Variants in MPRIP observed in about 807,000 individuals in gnomAD.
MPRIP encodes myosin phosphatase Rho-interacting protein.
MPRIP carries 59 observed loss-of-function variants against 234.9 expected under a neutral mutation model. The ratio of observed to expected loss-of-function variants is 0.25; its 90% CI spans 0.20 to 0.31. MPRIP has a LOEUF of 0.31. Ranked by LOEUF, MPRIP falls within the 10% of genes least tolerant of loss-of-function variation. The pLI, the probability that MPRIP is intolerant of heterozygous loss-of-function variation, is 1.00. For synonymous variants in MPRIP, 1,144 were observed against 1,263.9 expected (o/e 0.91, Z 2.01); for missense variants, 2,436 against 3,071.0 (o/e 0.79, Z 4.89).
At chr17:17,139,402 C>T (rs1401892929) in intron 7 of MPRIP, among the ~76,000 whole-genome samples, 3 of 152,212 alleles carry the variant, frequency 2.0e-5, no homozygotes, top group Non-Finnish European at 4.4e-5. Context: ...CAGTATTCTT[C>T]CCAGAAGAGA....
chr17:17,165,561 T>G lies in MPRIP; in HGVS notation c.3970T>G (p.Phe1324Val). Residue 1324 changes from phenylalanine (F) to valine (V), a missense_variant, in exon 16 of 24, where the codon TTC becomes GTC. Transcript: ENST00000651222. Reference protein sequence around the residue: ...APGVKRQRIRFSTIQCQRYIH... With the variant: ...APGVKRQRIRVSTIQCQRYIH... ...TGGTGTTAAAAGGCAAAGAATCCGGTTCTCCACAATCCAGTGCCAAAGATA... is the reference window on the plus strand; with the variant it reads ...TGGTGTTAAAAGGCAAAGAATCCGGGTCTCCACAATCCAGTGCCAAAGATA... 2 of 1,304,594 alleles carry G rather than the reference T, an allele frequency of 1.5e-6. No individual in the cohort carries two copies. The highest frequency in any genetic ancestry group is 2.0e-6 in the Non-Finnish European group (2 of 989,020). 80.8% of individuals were successfully genotyped at this position (1,304,594 alleles called of 1,614,324 possible). A position where few individuals can be genotyped will look rare whatever the true frequency, so the allele number is the denominator to read the frequency against.
intron 20 of MPRIP, 91 bp downstream of exon 20, chr17:17,175,503 G>A: frequency 7.0e-7 from 1 of 1,421,332 alleles, no homozygotes; most frequent in Non-Finnish European, 9.3e-7. Context: ...CAGGGTTGTG[G>A]GAGGAACAGA....
chr17:17,057,467 C>A (rs1023020192), intron 1 of MPRIP, among the ~76,000 whole-genome samples: 16 of 152,126 alleles, frequency 1.1e-4, no homozygotes, highest in African/African-American at 3.9e-4. Context: ...GGCTGGAGAC[C>A]CCAGGGAGAC....
intron 11 of MPRIP, among the ~76,000 whole-genome samples, chr17:17,149,357 G>A (rs976313155): frequency 6.6e-6 from 1 of 152,074 alleles, no homozygotes; most frequent in Non-Finnish European, 1.5e-5. Flanking sequence ...GCTGGGCTTG[G>A]TGGTGGTCAT....
At chr17:17,130,422 C>T (rs2090573765) in intron 4 of MPRIP, among the ~76,000 whole-genome samples, 2 of 150,964 alleles carry the variant, frequency 1.3e-5, no homozygotes, top group African/African-American at 2.4e-5. Flanking sequence ...TCTCTTCGCT[C>T]CTCTATCCCT....
At chr17:17,169,022 C>T (rs956242406) in intron 16 of MPRIP, 1 of 456,888 alleles carries the variant, frequency 2.2e-6, no homozygotes. Flanking sequence ...CTCGGCCCCA[C>T]CCAGACACAC....
Position 17,171,715 on chromosome 17 carries a change from C to T in MPRIP, c.6325-3C>T. The T allele has an allele frequency of 6.2e-7, 1 of 1,607,792 alleles. No homozygotes were observed. Among genetic ancestry groups the T allele is most frequent in the South Asian group, 1.1e-5 (1 of 90,034 alleles). On this transcript the variant is annotated splice_region_variant and splice_polypyrimidine_tract_variant and intron_variant, in intron 16 of 23. Coordinates refer to ENST00000651222, the MANE Select transcript of MPRIP (RefSeq NM_001364716.4). ...TCGATGAAGTCCCTTTTGCATTTTG[C>T]AGGCCACGTGCGAGCGAGGGTTTGC...
At chr17:17,168,539 A>C in intron 16 of MPRIP, 1 of 329,216 alleles carries the variant, frequency 3.0e-6, no homozygotes, top group South Asian at 2.4e-5. Context: ...TTTTCCCCAG[A>C]ACTGTCCTGC....
intron 15 of MPRIP, among the ~76,000 whole-genome samples, chr17:17,163,770 C>A (rs1175576191): frequency 6.6e-6 from 1 of 152,156 alleles, no homozygotes; most frequent in Non-Finnish European, 1.5e-5. Flanking sequence ...GCCTGTCCCT[C>A]TTCCTGGCGC....
intron 19 of MPRIP, among the ~76,000 whole-genome samples, chr17:17,174,640 C>T (rs940050070): frequency 2.0e-5 from 3 of 152,162 alleles, no homozygotes; most frequent in Non-Finnish European, 4.4e-5. Context: ...TTGAGACCAT[C>T]CTGGCTAACA....
rs531513891 is a variant in MPRIP, at chr17:17,126,145, G to A, written c.268-557G>A. Among the ~76,000 whole-genome samples the A allele has an allele frequency of 1.7e-4, 26 of 152,314 alleles. No homozygotes were observed. The South Asian group carries it at 5.2e-3, about 30-fold the overall frequency. ...AAGAAAAAAAGTTACTGTTTGCCAT[G>A]CCAGAGCTGGTGTGGCAGCCTTTGC... On this transcript the variant is annotated intron_variant, in intron 3 of 23. Transcript: ENST00000651222.
At chr17:17,089,189 C>T (rs1291996576) in intron 3 of MPRIP, among the ~76,000 whole-genome samples, 1 of 152,232 alleles carries the variant, frequency 6.6e-6, no homozygotes, top group African/African-American at 2.4e-5. Flanking sequence ...TGGCTTAAAA[C>T]AACACATCTT....
intron 1 of MPRIP, among the ~76,000 whole-genome samples, chr17:17,061,054 T>C (rs957744506): frequency 8.5e-5 from 13 of 152,228 alleles, no homozygotes; most frequent in African/African-American, 3.1e-4. Context: ...TGGTCAGAGG[T>C]GTGTGCTGAG....
chr17:17,110,924 A>G lies in MPRIP; in HGVS notation c.268-15778A>G, dbSNP rs555931710. 4.6e-5 allele frequency among the ~76,000 whole-genome samples: 7 copies of G among 152,228 alleles called. No individual in the cohort carries two copies. The South Asian group carries it at 1.5e-3, about 32-fold the overall frequency. ...GGATCTTGGAGCAGGAGAACAGTAG[A>G]TGCAAGCTGAGGCCACCTGAATCAA... is the stretch of plus-strand genomic sequence containing the variant. On this transcript the variant is annotated intron_variant, in intron 3 of 23. Transcript: ENST00000651222.
intron 20 of MPRIP, 28 bp from the exon 21 acceptor site, chr17:17,176,398 T>C (rs1225973724): frequency 2.5e-6 from 4 of 1,570,482 alleles, no homozygotes; most frequent in Non-Finnish European, 3.5e-6. Flanking sequence ...CTCCTGAATA[T>C]TGGTCCCTGA....
At chr17:17,104,859 A>G (rs1231142696) in intron 3 of MPRIP, among the ~76,000 whole-genome samples, 1 of 151,900 alleles carries the variant, frequency 6.6e-6, no homozygotes, top group African/African-American at 2.4e-5. Context: ...ACCCCTCTTC[A>G]TTATTTCCCT....
chr17:17,175,293 G>A lies in MPRIP; in HGVS notation c.6751G>A (p.Glu2251Lys). 1 of 1,613,362 alleles carries A rather than the reference G, an allele frequency of 6.2e-7. No individual in the cohort carries two copies. The highest frequency in any genetic ancestry group is 2.2e-5 in the East Asian group (1 of 44,880). Reference protein sequence around the residue: ...ENQELNAHNQELNNRLAAEIT... With the variant: ...ENQELNAHNQKLNNRLAAEIT... Reference sequence around the variant, plus strand: ...TCACTGTTGTGTTGCTGTCCCCCAGGAGCTGAACAACCGCCTGGCTGCAGA... The same window carrying A: ...TCACTGTTGTGTTGCTGTCCCCCAGAAGCTGAACAACCGCCTGGCTGCAGA... Residue 2251 changes from glutamate to lysine, a missense_variant and splice_region_variant, in exon 20 of 24, where the codon GAG (glutamate) becomes AAG (lysine). Physicochemically the swap from Glu to Lys is moderately conservative, Grantham distance 56 (BLOSUM62 1). Transcript: ENST00000651222.
intron 3 of MPRIP, among the ~76,000 whole-genome samples, chr17:17,086,480 T>G (rs1293456572): frequency 6.6e-6 from 1 of 152,170 alleles, no homozygotes; most frequent in Non-Finnish European, 1.5e-5. Context: ...ACCAGTGCGG[T>G]GGAGTCTGTG....
At chr17:17,184,369 C>G (rs906647717) in intron 23 of MPRIP, among the ~76,000 whole-genome samples, 2 of 152,190 alleles carry the variant, frequency 1.3e-5, no homozygotes, top group Admixed American at 1.3e-4. Context: ...CCCGGGACAC[C>G]CATCCTGCTG....
Sources: allele counts gnomAD v4.1 joint callset (sites outside exome capture counted in the v4.1 genomes callset), GRCh38; gene constraint gnomAD v4.1.1; transcripts MANE v1.5; gene names NCBI Gene and HGNC (gene_info 2026-07-23, HGNC 2026-07-21).